Variants in FAM114A1 observed in about 807,000 individuals in gnomAD.
The protein encoded by FAM114A1 is protein NOXP20.
A neutral mutation model predicts 64.3 loss-of-function variants in FAM114A1; 62 were observed. The observed-to-expected ratio is 0.96, with a 90% CI of 0.79 to 1.19. The LOEUF is 1.19. Ranked by LOEUF, FAM114A1 falls within the 50% of genes most tolerant of loss-of-function variation. The probability of loss-of-function intolerance (pLI) is 0.00; values close to 1 mark genes in which losing one functional copy is unlikely to be tolerated. For missense variants in FAM114A1, 645 were observed against 676.3 expected, an observed-to-expected ratio of 0.95 and a Z score of 0.51; for synonymous variants, 254 against 251.1, an observed-to-expected ratio of 1.01 and a Z score of -0.11.
intron 12 of FAM114A1, among the ~76,000 whole-genome samples, chr4:38,934,918 CTT>C (rs1211360132): frequency 3.4e-5 from 5 of 145,972 alleles, no homozygotes; most frequent in Non-Finnish European, 3.0e-5. Flanking sequence ...AACTTTCTTA[CTT>C]TTTTTTTTTT....
intron 13 of FAM114A1, among the ~76,000 whole-genome samples, chr4:38,939,128 A>G (rs1034141620): frequency 4.6e-5 from 7 of 152,208 alleles, no homozygotes; most frequent in African/African-American, 1.7e-4. Context: ...CCCATATTTT[A>G]TGTAGCAAGG....
At chr4:38,939,357 T>C (rs1721398013) in intron 13 of FAM114A1, among the ~76,000 whole-genome samples, 1 of 152,192 alleles carries the variant, frequency 6.6e-6, no homozygotes, top group Non-Finnish European at 1.5e-5. Flanking sequence ...GTGTTTCTGT[T>C]CTCTAAAGCA....
At chr4:38,899,040 T>C (rs200883152) in intron 4 of FAM114A1, among the ~76,000 whole-genome samples, 6,140 of 79,392 alleles carry the variant, frequency 0.077, 196 homozygotes, top group Middle Eastern at 0.2. Flanking sequence ...TATATATATA[T>C]AGACAGATAT....
chr4:38,887,519 G>A (rs1208253723), intron 3 of FAM114A1, among the ~76,000 whole-genome samples: 1 of 152,130 alleles, frequency 6.6e-6, no homozygotes, highest in Admixed American at 6.5e-5. Flanking sequence ...TTGACTTAAA[G>A]ACTCTTAATA....
chr4:38,940,060 T>G (rs1721469697), intron 13 of FAM114A1, among the ~76,000 whole-genome samples: 1 of 151,976 alleles, frequency 6.6e-6, no homozygotes, highest in South Asian at 2.1e-4. Flanking sequence ...AGCTAATTTT[T>G]TTGTATTTTT....
chr4:38,891,561 C>T (rs914244714), intron 3 of FAM114A1, among the ~76,000 whole-genome samples, 182 bp from the exon 4 acceptor site: 6 of 152,174 alleles, frequency 3.9e-5, no homozygotes, highest in Non-Finnish European at 8.8e-5. Flanking sequence ...CAATTTGGTT[C>T]CAAAGTACAC....
At chr4:38,922,689 G>C (rs1719716814) in intron 8 of FAM114A1, 81 bp from the exon 9 acceptor site, 3 of 1,508,814 alleles carry the variant, frequency 2.0e-6, no homozygotes, top group Admixed American at 2.3e-5. Flanking sequence ...TTTTGTCCTG[G>C]GAAAACTGGG....
intron 7 of FAM114A1, among the ~76,000 whole-genome samples, chr4:38,908,999 G>T (rs540963625): frequency 6.6e-6 from 1 of 152,288 alleles, no homozygotes; most frequent in South Asian, 2.1e-4. Flanking sequence ...TAAATATACA[G>T]ATGTAAAAGT....
chr4:38,928,489 G>C (rs1458665016), intron 9 of FAM114A1, among the ~76,000 whole-genome samples: 1 of 151,808 alleles, frequency 6.6e-6, no homozygotes. Context: ...TACGTATACT[G>C]TCTGTTATAT....
intron 7 of FAM114A1, among the ~76,000 whole-genome samples, chr4:38,913,984 C>G (rs1198694387): frequency 6.6e-6 from 1 of 151,844 alleles, no homozygotes; most frequent in Non-Finnish European, 1.5e-5. Context: ...CCTGTAATCC[C>G]AGCTACTCGG....
intron 13 of FAM114A1, among the ~76,000 whole-genome samples, chr4:38,936,147 C>G (rs1299914366): frequency 6.7e-6 from 1 of 150,362 alleles, no homozygotes; most frequent in Admixed American, 6.6e-5. Flanking sequence ...GGCTGGGGTG[C>G]AGTGGCGCGA....
At chr4:38,869,315 G>A (rs1303363976) in intron 2 of FAM114A1, among the ~76,000 whole-genome samples, 2 of 152,212 alleles carry the variant, frequency 1.3e-5, no homozygotes, top group East Asian at 3.8e-4. Flanking sequence ...GGTAACATTA[G>A]ACACTGGGTG....
intron 4 of FAM114A1, among the ~76,000 whole-genome samples, chr4:38,892,185 T>G (rs959755635): frequency 2.0e-5 from 3 of 152,200 alleles, no homozygotes; most frequent in Admixed American, 6.5e-5. Context: ...TAAAGCTTCG[T>G]GTTTATCGTC....
chr4:38,907,943 A>G (rs959475258), intron 6 of FAM114A1, among the ~76,000 whole-genome samples: 1 of 152,214 alleles, frequency 6.6e-6, no homozygotes, highest in South Asian at 2.1e-4. Context: ...ATGACTGACA[A>G]AGGGATTTGC....
intron 12 of FAM114A1, among the ~76,000 whole-genome samples, chr4:38,933,761 C>T (rs1359572563): frequency 6.6e-6 from 1 of 152,124 alleles, no homozygotes; most frequent in Admixed American, 6.5e-5. Flanking sequence ...TATTATTAGA[C>T]AGACACAGGA....
intron 8 of FAM114A1, 89 bp from the exon 9 acceptor site, chr4:38,922,681 T>C: frequency 2.7e-6 from 4 of 1,494,708 alleles, no homozygotes; most frequent in Non-Finnish European, 3.6e-6. Flanking sequence ...TGAATCACTT[T>C]TGTCCTGGGA....
chr4:38,937,757 C>T (rs1361120194), intron 13 of FAM114A1, among the ~76,000 whole-genome samples: 2 of 152,018 alleles, frequency 1.3e-5, no homozygotes, highest in Non-Finnish European at 2.9e-5. Flanking sequence ...TTTTTTGAAA[C>T]CGTGTCTTGC....
intron 3 of FAM114A1, among the ~76,000 whole-genome samples, chr4:38,886,500 A>G (rs1715818452): frequency 6.6e-6 from 1 of 151,974 alleles, no homozygotes; most frequent in Non-Finnish European, 1.5e-5. Flanking sequence ...AGAGACAAAG[A>G]AGAAAGATGT....
In FAM114A1 at chr4:38,943,590, G is replaced by A. The variant is rs779359243; in HGVS notation, c.*33G>A. On this transcript the variant is annotated 3_prime_UTR_variant, in exon 15 of 15. Transcript: ENST00000358869. Reference sequence around the variant, plus strand: ...AGACTCCATCTAGTTAAAGGAGACAGCTGGCCGCCTTGCCTCAATATGTAC... The same window carrying A: ...AGACTCCATCTAGTTAAAGGAGACAACTGGCCGCCTTGCCTCAATATGTAC... The A allele has an allele frequency of 1.4e-5, 23 of 1,590,916 alleles. No homozygotes were observed. The highest frequency in any genetic ancestry group is 1.8e-5 in the Non-Finnish European group (21 of 1,159,848).
Sources: allele counts gnomAD v4.1 joint callset (sites outside exome capture counted in the v4.1 genomes callset), GRCh38; gene constraint gnomAD v4.1.1; transcripts MANE v1.5; gene names NCBI Gene and HGNC (gene_info 2026-07-23, HGNC 2026-07-21).